C12orf42: variants seen among roughly 807,000 people sequenced by gnomAD.
C12orf42 encodes chromosome 12 open reading frame 42, also known as uncharacterized protein C12orf42.
A neutral mutation model predicts 21.6 loss-of-function variants in C12orf42; 25 were observed. That is an observed-to-expected ratio of 1.16 (90% CI 0.84 to 1.62). The LOEUF is 1.62. Ranked by LOEUF, C12orf42 falls within the 40% of genes most tolerant of loss-of-function variation. The probability of loss-of-function intolerance (pLI) is 0.00; values close to 1 mark genes in which losing one functional copy is unlikely to be tolerated. For missense variants in C12orf42, 483 were observed against 459.3 expected, an observed-to-expected ratio of 1.05 and a Z score of -0.47; for synonymous variants, 174 against 175.0, an observed-to-expected ratio of 0.99 and a Z score of 0.05.
chr12:103,539,540 C>G, the C12orf42 span, among the ~76,000 whole-genome samples: 1 of 151,670 alleles, frequency 6.6e-6, no homozygotes, highest in African/African-American at 2.4e-5. Flanking sequence ...TAAAATATAT[C>G]TTATGTCATG....
the C12orf42 span, among the ~76,000 whole-genome samples, chr12:103,550,991 T>A: frequency 6.6e-6 from 1 of 152,064 alleles, no homozygotes; most frequent in Non-Finnish European, 1.5e-5. Flanking sequence ...CTAGAATCAG[T>A]TACATATTTA....
At chr12:103,157,926 A>G in the C12orf42 span, among the ~76,000 whole-genome samples, 16 of 152,254 alleles carry the variant, frequency 1.1e-4, no homozygotes, top group Non-Finnish European at 1.8e-4. Context: ...AAATTCAGAA[A>G]TAGTAATTTC....
chr12:103,169,889 T>C, the C12orf42 span, among the ~76,000 whole-genome samples: 1 of 151,956 alleles, frequency 6.6e-6, no homozygotes, highest in Non-Finnish European at 1.5e-5. Flanking sequence ...GAATAGGAGG[T>C]TCAGAAGGAA....
the C12orf42 span, among the ~76,000 whole-genome samples, chr12:103,141,546 T>TTTA: frequency 1.3e-5 from 2 of 151,518 alleles, no homozygotes; most frequent in Admixed American, 6.6e-5. Flanking sequence ...TTTTTTTTTT[T>TTTA]GAGACAGAGT....
intron 2 of C12orf42, among the ~76,000 whole-genome samples, chr12:103,462,124 T>TTTTTTTTTTTTTTTTTTTTTA (rs1440733701): frequency 7.6e-6 from 1 of 131,258 alleles, no homozygotes; most frequent in African/African-American, 2.9e-5. Context: ...TTTTTTTTTT[T>TTTTTTTTTTTTTTTTTTTTTA]GAGACAGAGT....
At chr12:103,447,962 A>G (rs1035255952) in intron 2 of C12orf42, among the ~76,000 whole-genome samples, 2 of 152,082 alleles carry the variant, frequency 1.3e-5, no homozygotes, top group African/African-American at 4.8e-5. Context: ...TTCATGTGGA[A>G]CCAAAAAAGA....
the C12orf42 span, among the ~76,000 whole-genome samples, chr12:103,519,356 C>T: frequency 6.6e-5 from 10 of 151,968 alleles, no homozygotes; most frequent in African/African-American, 1.9e-4. Context: ...TACTATGTCC[C>T]AAAGCACCAA....
chr12:103,333,977 C>T (rs1212174487), intron 4 of C12orf42, among the ~76,000 whole-genome samples: 2 of 152,196 alleles, frequency 1.3e-5, no homozygotes, highest in Non-Finnish European at 2.9e-5. Flanking sequence ...TAACTTCAAG[C>T]GCTGCTTCTT....
intron 4 of C12orf42, among the ~76,000 whole-genome samples, chr12:103,360,832 G>A (rs529582593): frequency 1.3e-5 from 2 of 152,140 alleles, no homozygotes; most frequent in South Asian, 4.2e-4. Context: ...GCCCTTTGGG[G>A]GAATCACTAA....
the C12orf42 span, chr12:103,504,632 ACATGCTCACTGAGGT>A: frequency 1.5e-5 from 1 of 67,600 alleles, no homozygotes; most frequent in East Asian, 3.5e-4. Context: ...AAGTTGGAGG[ACATGCTCACTGAGGT>A]CACGCTGGGC....
At chr12:103,543,780 T>C in the C12orf42 span, among the ~76,000 whole-genome samples, 1 of 152,212 alleles carries the variant, frequency 6.6e-6, no homozygotes, top group African/African-American at 2.4e-5. Flanking sequence ...TACTAATCAG[T>C]CTGTCTTTCA....
At chr12:103,520,676 T>C in the C12orf42 span, among the ~76,000 whole-genome samples, 2 of 152,148 alleles carry the variant, frequency 1.3e-5, no homozygotes, top group Admixed American at 1.3e-4. Flanking sequence ...AGTCAGACTC[T>C]GTCTCAAAAA....
chr12:103,388,642 A>T (rs573642903), intron 3 of C12orf42, among the ~76,000 whole-genome samples: 97 of 151,638 alleles, frequency 6.4e-4, no homozygotes, highest in African/African-American at 2.3e-3. Context: ...AAAAGGACAT[A>T]CTACCTTTTC....
the C12orf42 span, among the ~76,000 whole-genome samples, chr12:103,510,877 C>T: frequency 6.6e-6 from 1 of 152,156 alleles, no homozygotes; most frequent in Admixed American, 6.5e-5. Context: ...TCTTTTTAAT[C>T]CTGACCATGC....
the C12orf42 span, among the ~76,000 whole-genome samples, chr12:103,186,597 G>GT: frequency 2.6e-5 from 4 of 151,960 alleles, no homozygotes; most frequent in Non-Finnish European, 5.9e-5. Flanking sequence ...CTTGTTGATT[G>GT]TTTTTTTAAT....
At chr12:103,462,096 G>GTTTTTTTTGTTTTTTTTTTTTT (rs1952753198) in intron 2 of C12orf42, among the ~76,000 whole-genome samples, 1 of 27,724 alleles carries the variant, frequency 3.6e-5, no homozygotes, top group Non-Finnish European at 6.6e-5. Context: ...TTTTTGCTTG[G>GTTTTTTTTGTTTTTTTTTTTTT]TTTTTTTTTT....
the C12orf42 span, among the ~76,000 whole-genome samples, chr12:103,552,766 C>A: frequency 6.6e-6 from 1 of 152,014 alleles, no homozygotes; most frequent in South Asian, 2.1e-4. Context: ...AAAGACATAC[C>A]CAAGACTGAG....
At chr12:103,421,578 T>TATAA (rs58157140) in intron 2 of C12orf42, among the ~76,000 whole-genome samples, 20,023 of 147,048 alleles carry the variant, frequency 0.14, 1,393 homozygotes, top group East Asian at 0.21. Flanking sequence ...TGTCAATAAA[T>TATAA]ATAAATAAAT....
At chr12:103,227,709 C>T in the C12orf42 span, among the ~76,000 whole-genome samples, 100 of 152,256 alleles carry the variant, frequency 6.6e-4, 1 homozygote, top group African/African-American at 2.3e-3. Flanking sequence ...TGGTCTGACA[C>T]CCTTGAAACG....
Sources: allele counts gnomAD v4.1 joint callset (sites outside exome capture counted in the v4.1 genomes callset), GRCh38; gene constraint gnomAD v4.1.1; transcripts MANE v1.5; gene names NCBI Gene and HGNC (gene_info 2026-07-23, HGNC 2026-07-21).